Variants in PRELID2 observed in about 807,000 individuals in gnomAD.
The protein encoded by PRELID2 is PRELI domain-containing protein 2.
A neutral mutation model predicts 28.4 loss-of-function variants in PRELID2; 25 were observed. The ratio of observed to expected loss-of-function variants is 0.88; its 90% CI spans 0.64 to 1.23. PRELID2 has a LOEUF of 1.23. Among genes scored for constraint, PRELID2 ranks in the 50% most tolerant of loss-of-function variants. The probability of loss-of-function intolerance (pLI) is 0.00; values close to 1 mark genes in which losing one functional copy is unlikely to be tolerated. For missense variants in PRELID2, 201 were observed against 214.4 expected (o/e 0.94, Z 0.39); for synonymous variants, 76 against 71.6 (o/e 1.06, Z -0.31).
At position 145,600,434 on chromosome 5, in the gene PRELID2, A is replaced by AATATAT. The variant is rs1299956414; in HGVS notation, n.71-127125_71-127120dup. ...TCTCAGGGGGGGAAAAAAAAAAAAA[A>AATATAT]ATATATATATATATATATATGTATC... On this transcript the variant is annotated intron_variant and non_coding_transcript_variant, in intron 1 of 2. Transcript: ENST00000510259. Among the ~76,000 whole-genome samples, 83 of 120,086 alleles carry AATATAT rather than the reference A, an allele frequency of 6.9e-4. 4 individuals are homozygous for AATATAT. The highest frequency in any genetic ancestry group is 3.1e-3 in the African/African-American group (77 of 24,536). The allele number at this position is 120,086 out of a possible 152,430, so 78.8% of individuals were successfully genotyped here. A position where few individuals can be genotyped will look rare whatever the true frequency, so the allele number is the denominator to read the frequency against.
chr5:145,631,337 T>C (rs1753929578), intron 1 of PRELID2, among the ~76,000 whole-genome samples: 1 of 152,192 alleles, frequency 6.6e-6, no homozygotes, highest in East Asian at 1.9e-4. Flanking sequence ...TGTGGCTGTG[T>C]GCCTGCCTTA....
chr5:145,461,404 G>A, the PRELID2 span, among the ~76,000 whole-genome samples: 2 of 151,964 alleles, frequency 1.3e-5, no homozygotes, highest in African/African-American at 4.8e-5. Flanking sequence ...CCGGGTTCAC[G>A]CCATTCTCCT....
rs1054821376 is a variant in PRELID2, at chr5:145,643,471, G to A, written n.70+121460C>T. 2.0e-5 allele frequency among the ~76,000 whole-genome samples: 3 copies of A among 152,140 alleles called. No individual in the cohort carries two copies. The East Asian group carries it at 5.8e-4, about 29-fold the overall frequency. ...TGTCATCTGCAAACATAGATAATTT[G>A]ACTTCCTCTTTTCCTATTGGAATAC... is the stretch of plus-strand genomic sequence containing the variant. On this transcript the variant is annotated intron_variant and non_coding_transcript_variant, in intron 1 of 2. Coordinates refer to the PRELID2 transcript ENST00000510259.
rs1188735131 is a variant in PRELID2, at chr5:145,817,220, A to AATATAT, written c.368+668_368+673dup. ...AAAAATAAATAAATAAATAAAAAAA[A>AATATAT]ATATATATATATATATACTTTAGAT... On this transcript the variant is annotated intron_variant, in intron 4 of 6. Coordinates refer to ENST00000683046, the MANE Select transcript of PRELID2 (RefSeq NM_205846.3). Among the ~76,000 whole-genome samples the AATATAT allele has an allele frequency of 3.7e-3, 247 of 66,486 alleles. 5 individuals carry two copies. The highest frequency in any genetic ancestry group is 8.8e-3 in the African/African-American group (216 of 24,614). 43.6% of individuals were successfully genotyped at this position (66,486 alleles called of 152,430 possible). A position where few individuals can be genotyped will look rare whatever the true frequency, so the allele number is the denominator to read the frequency against.
the PRELID2 span, among the ~76,000 whole-genome samples, chr5:145,286,959 C>T: frequency 1.3e-5 from 2 of 152,166 alleles, no homozygotes; most frequent in African/African-American, 4.8e-5. Context: ...ATCTGCCCGC[C>T]TCAGCCTCCC....
At chr5:145,399,697 A>G in the PRELID2 span, among the ~76,000 whole-genome samples, 1 of 152,082 alleles carries the variant, frequency 6.6e-6, no homozygotes, top group African/African-American at 2.4e-5. Flanking sequence ...TGCTGCCGAG[A>G]AAGACATACC....
chr5:145,775,247 AAAAG>A (rs1460573276), intron 5 of PRELID2, among the ~76,000 whole-genome samples: 1 of 152,132 alleles, frequency 6.6e-6, no homozygotes, highest in African/African-American at 2.4e-5. Context: ...CTCAAAAAAA[AAAAG>A]AAACAGTAGC....
chr5:145,309,245 G>A, the PRELID2 span, among the ~76,000 whole-genome samples: 2 of 152,148 alleles, frequency 1.3e-5, no homozygotes, highest in Non-Finnish European at 2.9e-5. Flanking sequence ...TGTTCTTGAA[G>A]CTCAAAAGAG....
At chr5:145,304,330 G>A in the PRELID2 span, among the ~76,000 whole-genome samples, 5 of 152,218 alleles carry the variant, frequency 3.3e-5, no homozygotes, top group Admixed American at 2.6e-4. Context: ...GTTCTGAGAG[G>A]TGAAATAACT....
chr5:145,248,923 C>G, the PRELID2 span, among the ~76,000 whole-genome samples: 7 of 152,136 alleles, frequency 4.6e-5, no homozygotes, highest in Non-Finnish European at 1.0e-4. Context: ...GGAAATGTCT[C>G]AGGGACTACA....
the PRELID2 span, among the ~76,000 whole-genome samples, chr5:145,296,002 T>G: frequency 6.6e-6 from 1 of 152,016 alleles, no homozygotes; most frequent in Non-Finnish European, 1.5e-5. Context: ...GCTGCTAAGA[T>G]TTCCAGACAA....
At chr5:145,564,643 T>C in intron 1 of PRELID2, among the ~76,000 whole-genome samples, 2 of 152,334 alleles carry the variant, frequency 1.3e-5, no homozygotes, top group East Asian at 3.9e-4. Context: ...CATGTTTGTT[T>C]TCTTCCTCTC....
the PRELID2 span, among the ~76,000 whole-genome samples, chr5:145,365,144 T>C: frequency 6.6e-6 from 1 of 151,878 alleles, no homozygotes; most frequent in Non-Finnish European, 1.5e-5. Flanking sequence ...GAGATGTTGA[T>C]CAAAGGGTAC....
chr5:145,618,029 G>A (rs969158254), intron 1 of PRELID2, among the ~76,000 whole-genome samples: 3 of 152,040 alleles, frequency 2.0e-5, no homozygotes, highest in Non-Finnish European at 2.9e-5. Flanking sequence ...CACCATGCCC[G>A]GCCGATTGTT....
At chr5:145,767,538 C>A (rs967065636) in intron 5 of PRELID2, among the ~76,000 whole-genome samples, 2 of 152,168 alleles carry the variant, frequency 1.3e-5, no homozygotes, top group Admixed American at 6.5e-5. Context: ...AAAGAGCACA[C>A]TATAACACGC....
the PRELID2 span, among the ~76,000 whole-genome samples, chr5:145,323,407 G>A: frequency 6.6e-6 from 1 of 152,164 alleles, no homozygotes; most frequent in East Asian, 1.9e-4. Context: ...GAAGATATGT[G>A]ATCAGACTTG....
chr5:145,425,334 G>A, the PRELID2 span, among the ~76,000 whole-genome samples: 2 of 152,092 alleles, frequency 1.3e-5, no homozygotes, highest in Non-Finnish European at 2.9e-5. Context: ...AACTATTATA[G>A]AAGACAGTAT....
At chr5:145,253,241 G>A in the PRELID2 span, among the ~76,000 whole-genome samples, 4 of 152,110 alleles carry the variant, frequency 2.6e-5, no homozygotes, top group Non-Finnish European at 1.5e-5. Context: ...ATATTCTATT[G>A]AGGTAGAACC....
chr5:145,787,350 G>A (rs1157045052), intron 5 of PRELID2, among the ~76,000 whole-genome samples: 2 of 152,216 alleles, frequency 1.3e-5, no homozygotes, highest in East Asian at 3.9e-4. Flanking sequence ...CTATGTGGGG[G>A]TTCACCAAAA....
Sources: gnomAD v4.1 joint callset for allele counts (sites outside exome capture counted in the v4.1 genomes callset) on GRCh38, gnomAD v4.1.1 for gene constraint, MANE v1.5 for transcripts, NCBI Gene and HGNC (gene_info 2026-07-23, HGNC 2026-07-21) for gene names.